The following PDE3A variants were observed in gnomAD, a reference collection of about 807,000 sequenced individuals.
The protein encoded by PDE3A is cGMP-inhibited 3',5'-cyclic phosphodiesterase 3A.
Under a neutral mutation model 98.3 loss-of-function variants are expected in PDE3A, and 43 were observed. The ratio of observed to expected loss-of-function variants is 0.44; its 90% CI spans 0.34 to 0.56. The LOEUF is 0.56. PDE3A is among the 20% of genes least tolerant of loss of function. The pLI is 0.01. For synonymous variants in PDE3A, 663 were observed against 567.9 expected (o/e 1.17, Z -2.38); for missense variants, 1,427 against 1,440.7 (o/e 0.99, Z 0.15).
At chr12:20,438,089 C>T (rs1024983700) in intron 1 of PDE3A, among the ~76,000 whole-genome samples, 6 of 151,660 alleles carry the variant, frequency 4.0e-5, no homozygotes, top group Non-Finnish European at 2.9e-5. Flanking sequence ...TTGGGGGTCT[C>T]CGATAGCTGA....
At chr12:20,592,820 G>T (rs1696090155) in intron 2 of PDE3A, among the ~76,000 whole-genome samples, 1 of 152,136 alleles carries the variant, frequency 6.6e-6, no homozygotes, top group South Asian at 2.1e-4. Flanking sequence ...GAATACAAGG[G>T]GTGGGGGAGT....
At chr12:20,404,649 T>C (rs919048475) in intron 1 of PDE3A, among the ~76,000 whole-genome samples, 1 of 152,158 alleles carries the variant, frequency 6.6e-6, no homozygotes, top group Non-Finnish European at 1.5e-5. Context: ...TGGCTTTATC[T>C]AAGAATATTT....
intron 2 of PDE3A, among the ~76,000 whole-genome samples, chr12:20,584,094 C>T (rs1211419326): frequency 6.6e-6 from 1 of 152,190 alleles, no homozygotes; most frequent in East Asian, 1.9e-4. Flanking sequence ...CAGAGAAAGA[C>T]TGGTTGTGCT....
At chr12:20,400,098 C>T (rs998450735) in intron 1 of PDE3A, among the ~76,000 whole-genome samples, 8 of 152,082 alleles carry the variant, frequency 5.3e-5, no homozygotes, top group African/African-American at 1.9e-4. Flanking sequence ...TACTTTAACA[C>T]TAATCCGTTT....
At chr12:20,470,041 C>G (rs182717770) in intron 1 of PDE3A, among the ~76,000 whole-genome samples, 1 of 151,914 alleles carries the variant, frequency 6.6e-6, no homozygotes, top group African/African-American at 2.4e-5. Flanking sequence ...ATCTCCAAGT[C>G]TTCCTGGAAA....
intron 1 of PDE3A, among the ~76,000 whole-genome samples, chr12:20,404,680 C>T (rs1256954187): frequency 1.3e-5 from 2 of 152,070 alleles, no homozygotes; most frequent in African/African-American, 4.8e-5. Context: ...AATAGCAGTT[C>T]CTAAAAGTTT....
At chr12:20,472,270 A>G (rs1466550663) in intron 1 of PDE3A, among the ~76,000 whole-genome samples, 1 of 152,176 alleles carries the variant, frequency 6.6e-6, no homozygotes, top group Admixed American at 6.6e-5. Flanking sequence ...AGTAAACTCT[A>G]GCCAACTACT....
At chr12:20,413,235 A>G (rs2120718629) in intron 1 of PDE3A, among the ~76,000 whole-genome samples, 1 of 152,346 alleles carries the variant, frequency 6.6e-6, no homozygotes, top group South Asian at 2.1e-4. Context: ...AAAGTTGAGC[A>G]GGAGGTAGCC....
At chr12:20,660,085 G>C (rs1403690783) in intron 15 of PDE3A, among the ~76,000 whole-genome samples, 1 of 152,058 alleles carries the variant, frequency 6.6e-6, no homozygotes, top group East Asian at 1.9e-4. Flanking sequence ...AATCATAAGG[G>C]GAGTTACCCC....
chr12:20,497,888 T>A (rs1945948935), intron 1 of PDE3A, among the ~76,000 whole-genome samples: 1 of 152,170 alleles, frequency 6.6e-6, no homozygotes, highest in African/African-American at 2.4e-5. Context: ...TATGTTCTGC[T>A]GCTGTGATGA....
chr12:20,473,386 CTG>C (rs1273511784), intron 1 of PDE3A, among the ~76,000 whole-genome samples: 1 of 152,130 alleles, frequency 6.6e-6, no homozygotes, highest in South Asian at 2.1e-4. Context: ...GCTCAGGAAT[CTG>C]TATTTTCAAC....
In PDE3A at chr12:20,369,027, C is replaced by T. The variant is rs1460102722; in HGVS notation, c.-258C>T. On this transcript the variant is annotated 5_prime_UTR_variant, in exon 1 of 16. Transcript: ENST00000359062. ...AAAAGGGGAATCCTGATCGTTTCTGCCCGTGCTTGTTTTCAACTTGAGCGT... is the reference window on the plus strand; with the variant it reads ...AAAAGGGGAATCCTGATCGTTTCTGTCCGTGCTTGTTTTCAACTTGAGCGT... 5.3e-5 allele frequency among the ~76,000 whole-genome samples: 8 copies of T among 152,188 alleles called. No individual in the cohort carries two copies. The highest frequency in any genetic ancestry group is 1.9e-4 in the East Asian group (1 of 5,170).
chr12:20,618,910 G>A (rs1944072181), intron 4 of PDE3A, among the ~76,000 whole-genome samples: 1 of 152,046 alleles, frequency 6.6e-6, no homozygotes, highest in Admixed American at 6.6e-5. Flanking sequence ...GGGATAATAA[G>A]AGCATAAGAC....
chr12:20,484,792 T>C (rs1021123812), intron 1 of PDE3A, among the ~76,000 whole-genome samples: 4 of 152,290 alleles, frequency 2.6e-5, no homozygotes, highest in African/African-American at 9.6e-5. Context: ...TAATGGTCAT[T>C]GACGTACGGA....
In PDE3A at chr12:20,552,969, C is replaced by A; in HGVS notation, c.961-3691C>A. The A allele has an allele frequency of 1.3e-6, 2 of 1,575,566 alleles. No individual in the cohort carries two copies. The highest frequency in any genetic ancestry group is 2.4e-5 in the East Asian group (1 of 42,334). ...TGCAGGTGAACCAGCCTCTGCAGAC[C>A]GTCCTCAACCAGCTCTTCCCCGGCT... On this transcript the variant is annotated intron_variant, in intron 1 of 15. Coordinates refer to ENST00000359062, the MANE Select transcript of PDE3A (RefSeq NM_000921.5). This position sits in a 1 kb window ranked among gnomAD's most constrained non-coding sequence, Gnocchi z 5.1.
intron 1 of PDE3A, among the ~76,000 whole-genome samples, chr12:20,555,937 C>T (rs10770669): frequency 0.86 from 130,413 of 152,186 alleles, 55,936 homozygotes; most frequent in South Asian, 0.88. Flanking sequence ...AGCTTATTAG[C>T]TGTAAATACT....
chr12:20,484,157 G>A (rs761578324), intron 1 of PDE3A, among the ~76,000 whole-genome samples: 1 of 152,106 alleles, frequency 6.6e-6, no homozygotes, highest in Non-Finnish European at 1.5e-5. Context: ...AGTAGGTCAT[G>A]CAGACAGAAT....
intron 2 of PDE3A, among the ~76,000 whole-genome samples, chr12:20,603,043 A>G (rs1365701683): frequency 6.6e-6 from 1 of 152,166 alleles, no homozygotes; most frequent in Non-Finnish European, 1.5e-5. Context: ...AGCCTCCCAG[A>G]GAAAGAGTTG....
intron 1 of PDE3A, among the ~76,000 whole-genome samples, chr12:20,536,190 T>A (rs1941744157): frequency 6.6e-6 from 1 of 152,120 alleles, no homozygotes; most frequent in South Asian, 2.1e-4. Context: ...ATACATATTG[T>A]TTAATATAGC....
Sources: gnomAD v4.1 joint callset for allele counts (sites outside exome capture counted in the v4.1 genomes callset) on GRCh38, gnomAD v4.1.1 for gene constraint, Gnocchi (gnomAD v3.1) non-coding constraint, MANE v1.5 for transcripts, NCBI Gene and HGNC (gene_info 2026-07-23, HGNC 2026-07-21) for gene names.